The following DNAH11 variants were observed in gnomAD, a reference collection of about 807,000 sequenced individuals.
DNAH11 encodes the protein dynein axonemal heavy chain 11, also known as axonemal beta dynein heavy chain 11.
In DNAH11, 442 loss-of-function variants were observed where a neutral mutation model predicts 526.0. The ratio of observed to expected loss-of-function variants is 0.84; its 90% CI spans 0.78 to 0.91. The LOEUF is 0.91. Ranked by LOEUF, DNAH11 falls within the 40% of genes least tolerant of loss-of-function variation. DNAH11 has a pLI of 0.00. For missense variants in DNAH11, 6,989 were observed against 5,448.7 expected (o/e 1.28, Z -8.90); for synonymous variants, 2,461 against 1,935.9 (o/e 1.27, Z -7.12).
At chr7:21,619,842 T>A in intron 24 of DNAH11, 114 bp from the exon 25 acceptor site, 2 of 988,330 alleles carry the variant, frequency 2.0e-6, no homozygotes. Context: ...AAGCCAATAA[T>A]ACTTGATATC....
intron 30 of DNAH11, among the ~76,000 whole-genome samples, chr7:21,676,578 G>A (rs902732437): frequency 2.0e-5 from 3 of 152,204 alleles, no homozygotes; most frequent in Non-Finnish European, 4.4e-5. Context: ...ATGATGCTGT[G>A]CAGATTATGT....
At chr7:21,658,611 G>T (rs17144916) in intron 29 of DNAH11, among the ~76,000 whole-genome samples, 187 bp from the exon 30 acceptor site, 1 of 152,006 alleles carries the variant, frequency 6.6e-6, no homozygotes, top group Non-Finnish European at 1.5e-5. Flanking sequence ...GGTTCCTGCA[G>T]GAGAAAGATT....
In DNAH11 at chr7:21,606,431, A is replaced by T; in HGVS notation, c.3654A>T (p.Leu1218Phe). ...TTGTGCCTTTGCTTTTGCAGGAATT[A>T]CCTGAAAGATGGGAAACTACCAAAA... ...PEQVYIQLEE[L>F]PERWETTKKI... The change falls in exon 19 of 82, where the codon TTA becomes TTT. Residue 1218 changes from leucine (L) to phenylalanine (F), a missense_variant. Coordinates refer to ENST00000409508, the MANE Select transcript of DNAH11 (RefSeq NM_001277115.2). The T allele has an allele frequency of 6.2e-7, 1 of 1,604,782 alleles. No individual in the cohort carries two copies. Among genetic ancestry groups the T allele is most frequent in the South Asian group, 1.1e-5 (1 of 87,354 alleles).
At chr7:21,635,654 ATCTTTTTT>A (rs1295771589) in intron 25 of DNAH11, among the ~76,000 whole-genome samples, 1 of 152,118 alleles carries the variant, frequency 6.6e-6, no homozygotes, top group Non-Finnish European at 1.5e-5. Context: ...GCATATATTT[ATCTTTTTT>A]TCTTTTTGGA....
chr7:21,613,030 G>A (rs993045320), intron 20 of DNAH11, among the ~76,000 whole-genome samples: 7 of 152,020 alleles, frequency 4.6e-5, no homozygotes, highest in South Asian at 2.1e-4. Flanking sequence ...AATACTATAC[G>A]ATAGGGAACG....
At position 21,600,773 on chromosome 7, in the gene DNAH11, C is replaced by T. The variant is rs776389690; in HGVS notation, c.3098C>T (p.Thr1033Ile). 3 of 1,613,814 alleles carry T rather than the reference C, an allele frequency of 1.9e-6. No homozygotes were observed. The highest frequency in any genetic ancestry group is 1.7e-6 in the Non-Finnish European group (2 of 1,179,826). The change falls in exon 16 of 82, where the codon ACC (threonine) becomes ATC (isoleucine). Residue 1033 changes from threonine to isoleucine, a missense_variant. Thr to Ile is a moderately conservative substitution (Grantham distance 89). Coordinates refer to ENST00000409508, the MANE Select transcript of DNAH11 (RefSeq NM_001277115.2). The part of the protein sequence containing the change: ...VINKVLDFRN[T>I]LETHTYLWVD... Reference sequence around the variant, plus strand: ...AACAAAGTCTTAGATTTCAGAAACACCCTGGAGACCCACACTTACCTCTGG... The same window carrying T: ...AACAAAGTCTTAGATTTCAGAAACATCCTGGAGACCCACACTTACCTCTGG...
At chr7:21,760,388 C>G (rs546492093) in intron 54 of DNAH11, among the ~76,000 whole-genome samples, 1 of 152,210 alleles carries the variant, frequency 6.6e-6, no homozygotes, top group South Asian at 2.1e-4. Flanking sequence ...CTTGCCCATC[C>G]TTGGAAGGTT....
Position 21,543,279 on chromosome 7 carries a change from G to C in DNAH11, c.34G>C (p.Asp12His). 1 of 1,541,658 alleles carries C rather than the reference G, an allele frequency of 6.5e-7. No homozygotes were observed. The highest frequency in any genetic ancestry group is 1.4e-5 in the African/African-American group (1 of 72,962). ...CCAGGTGGCAGCCCGGGAGGCGCGA[G>C]ACTTCAGAGAAGCCCCGACCCTTCG... Reference protein sequence around the residue: ...AAQVAAREARDFREAPTLRLT... With the variant: ...AAQVAAREARHFREAPTLRLT... Residue 12 changes from aspartate (D) to histidine (H), a missense_variant, in exon 1 of 82, where the codon GAC becomes CAC. Physicochemically the swap from Asp to His is moderately conservative, Grantham distance 81 (BLOSUM62 -1). Coordinates refer to ENST00000409508, the MANE Select transcript of DNAH11 (RefSeq NM_001277115.2).
chr7:21,739,764 A>G, intron 48 of DNAH11, 91 bp downstream of exon 48: 1 of 960,082 alleles, frequency 1.0e-6, no homozygotes, highest in East Asian at 2.7e-5. Flanking sequence ...CATCTTGTTA[A>G]GCACGTTTCT....
rs1783332304 is a variant in DNAH11 at position 21,558,971 on chromosome 7, A to T, written c.665A>T (p.Asp222Val). Residue 222 changes from aspartate to valine, a missense_variant, in exon 3 of 82, where the codon GAT (aspartate) becomes GTT (valine). Transcript: ENST00000409508. ...LPIPTVAGKM[D>V]LDQNCSENKP... The stretch of plus-strand genomic sequence containing the variant: ...ATTCCCACTGTTGCAGGAAAGATGG[A>T]TCTGGATCAGAATTGTTCAGAGAAC... The T allele has an allele frequency of 6.3e-7, 1 of 1,587,030 alleles. No individual in the cohort carries two copies. The highest frequency in any genetic ancestry group is 8.6e-7 in the Non-Finnish European group (1 of 1,165,354).
Position 21,702,793 on chromosome 7 carries a change from C to T in DNAH11, c.6264C>T (p.Pro2088=), listed in dbSNP as rs187936691. 182 of 1,612,430 alleles carry T rather than the reference C, an allele frequency of 1.1e-4. No individual in the cohort carries two copies. In the Middle Eastern group the frequency reaches 6.8e-3, roughly 60 times the overall value. ...GSLKRGDKNR[P]EDQVLMRALR... is the part of the protein sequence containing the mutation. Reference sequence around the variant, plus strand: ...TGAAACGAGGAGATAAAAATAGACCCGAAGATCAGGTACTGCAATGCTAAT... The same window carrying T: ...TGAAACGAGGAGATAAAAATAGACCTGAAGATCAGGTACTGCAATGCTAAT... The change falls in exon 37 of 82, where the codon CCC becomes CCT. Residue 2088 remains proline, a synonymous_variant. Transcript: ENST00000409508.
chr7:21,686,977 C>G (rs952671091), intron 32 of DNAH11, 122 bp from the exon 33 acceptor site: 1 of 796,888 alleles, frequency 1.3e-6, no homozygotes, highest in Non-Finnish European at 1.8e-6. Context: ...AGAAGTATAT[C>G]AGTATTTTAT....
In DNAH11 at chr7:21,620,064, C is replaced by G; in HGVS notation, c.4486C>G (p.Leu1496Val). 2 of 1,593,260 alleles carry G rather than the reference C, an allele frequency of 1.3e-6. No individual in the cohort carries two copies. The highest frequency in any genetic ancestry group is 1.7e-6 in the Non-Finnish European group (2 of 1,173,340). ...LKSDEQLFET[L>V]EHNQVQLQTL... ...GTCTGATGAACAACTTTTTGAAACT[C>G]TAGAGCACAACCAAGTAAGATGGAT... Residue 1496 changes from leucine to valine, a missense_variant, in exon 25 of 82, where the codon CTA (leucine) becomes GTA (valine). By Grantham distance (32) the Leu-to-Val change is conservative. Coordinates refer to ENST00000409508, the MANE Select transcript of DNAH11 (RefSeq NM_001277115.2).
intron 65 of DNAH11, among the ~76,000 whole-genome samples, chr7:21,830,270 T>TA (rs931310788): frequency 2.2e-5 from 3 of 137,584 alleles, no homozygotes; most frequent in Non-Finnish European, 3.1e-5. Context: ...TGATTTATTG[T>TA]AAAAAAATTA....
chr7:21,621,967 A>G (rs1583537329), intron 25 of DNAH11, among the ~76,000 whole-genome samples: 1 of 152,192 alleles, frequency 6.6e-6, no homozygotes, highest in Non-Finnish European at 1.5e-5. Flanking sequence ...AGTTCTGACC[A>G]GGGCATTTTG....
intron 20 of DNAH11, among the ~76,000 whole-genome samples, chr7:21,614,337 C>T (rs557241361): frequency 1.3e-4 from 20 of 152,286 alleles, no homozygotes; most frequent in African/African-American, 4.8e-4. Context: ...CAACAAAGAG[C>T]AGCTTGAGCA....
intron 2 of DNAH11, among the ~76,000 whole-genome samples, chr7:21,551,495 A>C (rs1407835166): frequency 6.6e-6 from 1 of 152,182 alleles, no homozygotes; most frequent in East Asian, 1.9e-4. Context: ...GTACCACCCC[A>C]CAGGCATATT....
In DNAH11 at chr7:21,844,472, A is replaced by G. The variant is rs543668254; in HGVS notation, c.10896+1724A>G. Among the ~76,000 whole-genome samples the G allele has an allele frequency of 2.0e-5, 3 of 152,212 alleles. No individual in the cohort carries two copies. The South Asian group carries it at 6.2e-4, about 32-fold the overall frequency. On this transcript the variant is annotated intron_variant, in intron 66 of 81. Transcript: ENST00000409508. Reference sequence around the variant, plus strand: ...AAAACGGACTTGTTCATATATTTACATATTGTCTATGACTGCTTTTGCACT... The same window carrying G: ...AAAACGGACTTGTTCATATATTTACGTATTGTCTATGACTGCTTTTGCACT...
rs1009854889 is a variant in DNAH11 at position 21,887,234 on chromosome 7, G to A, written c.12507+2824G>A. On this transcript the variant is annotated intron_variant, in intron 76 of 81. Transcript: ENST00000409508. Reference sequence around the variant, plus strand: ...ATATCTTGCTGTTAGGAGGATCAGTGAGTTTCTTGTTGAATAAATGAGTTT... The same window carrying A: ...ATATCTTGCTGTTAGGAGGATCAGTAAGTTTCTTGTTGAATAAATGAGTTT... Among the ~76,000 whole-genome samples the A allele has an allele frequency of 1.8e-4, 28 of 152,190 alleles. 1 individual carries two copies. The highest frequency in any genetic ancestry group is 5.5e-4 in the African/African-American group (23 of 41,448).
Sources: allele counts gnomAD v4.1 joint callset (sites outside exome capture counted in the v4.1 genomes callset), GRCh38; gene constraint gnomAD v4.1.1; transcripts MANE v1.5; gene names NCBI Gene and HGNC (gene_info 2026-07-23, HGNC 2026-07-21).